The following KCNIP4 variants were observed in gnomAD, a reference collection of about 807,000 sequenced individuals.
KCNIP4 encodes the protein Kv channel-interacting protein 4.
A neutral mutation model predicts 34.0 loss-of-function variants in KCNIP4; 12 were observed. The observed-to-expected ratio is 0.35, with a 90% CI of 0.23 to 0.57. KCNIP4 has a LOEUF of 0.57. KCNIP4 is among the 20% of genes least tolerant of loss of function. The pLI is 0.83. For missense variants in KCNIP4, 238 were observed against 311.7 expected (o/e 0.76, Z 1.78); for synonymous variants, 124 against 102.2 (o/e 1.21, Z -1.29).
intron 1 of KCNIP4, among the ~76,000 whole-genome samples, chr4:21,834,342 C>T (rs1409832028): frequency 6.6e-6 from 1 of 152,072 alleles, no homozygotes; most frequent in Non-Finnish European, 1.5e-5. Context: ...GTATTTTATT[C>T]TCTTGGAAGC....
intron 1 of KCNIP4, among the ~76,000 whole-genome samples, chr4:21,537,225 A>G (rs943904316): frequency 6.6e-6 from 1 of 152,166 alleles, no homozygotes; most frequent in Non-Finnish European, 1.5e-5. Flanking sequence ...GGTTCTGGCA[A>G]ATGTAGAAGT....
intron 3 of KCNIP4, chr4:20,766,837 T>G (rs1465663738): frequency 1.3e-5 from 2 of 152,174 alleles, no homozygotes; most frequent in Non-Finnish European, 2.9e-5. Context: ...ATTCTTGGGC[T>G]CTGGAGTTAA....
chr4:21,576,043 G>A (rs148021148), intron 1 of KCNIP4, among the ~76,000 whole-genome samples: 199 of 152,264 alleles, frequency 1.3e-3, no homozygotes, highest in African/African-American at 4.5e-3. Context: ...AAACTATTTG[G>A]TTAAACAACT....
chr4:20,812,904 T>C (rs1715943820), intron 3 of KCNIP4, among the ~76,000 whole-genome samples: 1 of 151,442 alleles, frequency 6.6e-6, no homozygotes, highest in African/African-American at 2.4e-5. Context: ...TCTCTGGGAC[T>C]GCGTACCTCC....
At chr4:21,531,924 T>C (rs1020786478) in intron 1 of KCNIP4, among the ~76,000 whole-genome samples, 11 of 152,150 alleles carry the variant, frequency 7.2e-5, no homozygotes, top group Admixed American at 3.3e-4. Flanking sequence ...GAAAGTCTTA[T>C]GCTTTCAAGC....
At chr4:21,666,442 A>G (rs1307519997) in intron 1 of KCNIP4, among the ~76,000 whole-genome samples, 1 of 152,256 alleles carries the variant, frequency 6.6e-6, no homozygotes, top group African/African-American at 2.4e-5. Context: ...AAAAGAACAA[A>G]TTAAAAAGGC....
chr4:21,152,948 C>G (rs965689476), intron 1 of KCNIP4, among the ~76,000 whole-genome samples: 3 of 152,198 alleles, frequency 2.0e-5, no homozygotes, highest in African/African-American at 7.2e-5. Context: ...AAACTGGTCC[C>G]TGGTGCCAAA....
At chr4:20,951,596 C>A (rs12506786) in intron 1 of KCNIP4, among the ~76,000 whole-genome samples, 1,833 of 152,260 alleles carry the variant, frequency 0.012, 82 homozygotes, top group East Asian at 0.08. Context: ...CATGTGCACA[C>A]TCATATATCT....
rs114425203 is a variant in KCNIP4, at chr4:20,932,832, C to G, written c.62-50123G>C. Among the ~76,000 whole-genome samples the G allele has an allele frequency of 6.5e-3, 991 of 152,054 alleles. 7 individuals carry two copies. Among genetic ancestry groups the G allele is most frequent in the African/African-American group, 0.023 (936 of 41,506 alleles). On this transcript the variant is annotated intron_variant, in intron 1 of 8. Coordinates refer to ENST00000382152, the MANE Select transcript of KCNIP4 (RefSeq NM_025221.6). Reference sequence around the variant, plus strand: ...AACAAATGAGAAAAAAATTGTCAGGCCATTATATAGTTCACTTATATGACA... The same window carrying G: ...AACAAATGAGAAAAAAATTGTCAGGGCATTATATAGTTCACTTATATGACA...
intron 5 of KCNIP4, among the ~76,000 whole-genome samples, chr4:20,738,755 G>A (rs1274584733): frequency 6.6e-6 from 1 of 152,046 alleles, no homozygotes; most frequent in Non-Finnish European, 1.5e-5. Flanking sequence ...GACAGTGGAT[G>A]CAGCCCACAG....
chr4:21,843,801 G>A (rs1270027709), intron 1 of KCNIP4: 2 of 151,984 alleles, frequency 1.3e-5, no homozygotes, highest in African/African-American at 4.8e-5. Context: ...GACAATATGA[G>A]GTCTTCAATG....
At chr4:21,874,096 C>A (rs1161345568) in intron 1 of KCNIP4, among the ~76,000 whole-genome samples, 3 of 152,198 alleles carry the variant, frequency 2.0e-5, no homozygotes, top group Admixed American at 6.5e-5. Flanking sequence ...AGGAGTAGCA[C>A]TGTTATTCGA....
intron 1 of KCNIP4, among the ~76,000 whole-genome samples, chr4:21,694,204 A>T (rs1055116501): frequency 3.9e-5 from 6 of 152,164 alleles, no homozygotes; most frequent in African/African-American, 1.4e-4. Context: ...CACAAATAGA[A>T]GTGTCGTATT....
chr4:20,945,611 G>A (rs536838833), intron 1 of KCNIP4, among the ~76,000 whole-genome samples: 1 of 152,162 alleles, frequency 6.6e-6, no homozygotes, highest in South Asian at 2.1e-4. Flanking sequence ...GTGAGCAGGA[G>A]TTCTAGGTAT....
At chr4:20,924,314 C>T (rs553324624) in intron 1 of KCNIP4, among the ~76,000 whole-genome samples, 1 of 152,228 alleles carries the variant, frequency 6.6e-6, no homozygotes, top group African/African-American at 2.4e-5. Flanking sequence ...ATCAGTAATG[C>T]CAAGAATGGA....
At chr4:21,874,743 C>T (rs1302192730) in intron 1 of KCNIP4, among the ~76,000 whole-genome samples, 1 of 152,152 alleles carries the variant, frequency 6.6e-6, no homozygotes, top group Non-Finnish European at 1.5e-5. Context: ...CTATTTCATG[C>T]CAGGATTCTA....
intron 1 of KCNIP4, among the ~76,000 whole-genome samples, chr4:20,889,140 C>A (rs1322379998): frequency 6.6e-6 from 1 of 151,950 alleles, no homozygotes; most frequent in Non-Finnish European, 1.5e-5. Context: ...TTTTTCCATT[C>A]CAGAACTTGT....
intron 1 of KCNIP4, among the ~76,000 whole-genome samples, chr4:21,007,858 C>G (rs1323255669): frequency 1.3e-5 from 2 of 152,184 alleles, no homozygotes; most frequent in African/African-American, 4.8e-5. Flanking sequence ...ACACCTGAAG[C>G]ACACTTGTTT....
chr4:20,761,462 C>T (rs1754954654), intron 3 of KCNIP4, among the ~76,000 whole-genome samples: 2 of 152,176 alleles, frequency 1.3e-5, no homozygotes, highest in African/African-American at 2.4e-5. Context: ...AGACTAAACA[C>T]TTTGCAGTTA....
Sources: gnomAD v4.1 joint callset for allele counts (sites outside exome capture counted in the v4.1 genomes callset) on GRCh38, gnomAD v4.1.1 for gene constraint, MANE v1.5 for transcripts, NCBI Gene and HGNC (gene_info 2026-07-23, HGNC 2026-07-21) for gene names.